DDX42: variants seen among roughly 807,000 people sequenced by gnomAD.
DDX42 encodes ATP-dependent RNA helicase DDX42.
DDX42 carries 22 observed loss-of-function variants against 101.5 expected under a neutral mutation model. The ratio of observed to expected loss-of-function variants is 0.22; its 90% CI spans 0.15 to 0.31. The LOEUF (loss-of-function observed/expected upper bound fraction) is 0.31, where lower values mean the gene tolerates loss of function less well. Ranked by LOEUF, DDX42 falls within the 10% of genes least tolerant of loss-of-function variation. The pLI is 1.00. For synonymous variants in DDX42, 402 were observed against 401.2 expected (o/e 1.00, Z -0.02); for missense variants, 849 against 1,199.9 (o/e 0.71, Z 4.32).
intron 4 of DDX42, among the ~76,000 whole-genome samples, chr17:63,799,061 T>A (rs375866885): frequency 6.6e-6 from 1 of 152,226 alleles, no homozygotes; most frequent in Admixed American, 6.5e-5. Flanking sequence ...GTGAACTGTT[T>A]AAGCGTTTTA....
At chr17:63,812,595 C>T (rs988706767) in intron 14 of DDX42, among the ~76,000 whole-genome samples, 1 of 152,184 alleles carries the variant, frequency 6.6e-6, no homozygotes, top group Non-Finnish European at 1.5e-5. Context: ...TGGATTTGTT[C>T]TGTCAAGTTT....
intron 1 of DDX42, among the ~76,000 whole-genome samples, chr17:63,778,428 A>G (rs1457393182): frequency 6.6e-6 from 1 of 152,086 alleles, no homozygotes; most frequent in Admixed American, 6.6e-5. Flanking sequence ...CTTGCCTCTT[A>G]CCCTCTTGCT....
At chr17:63,793,443 G>A (rs1471892388) in intron 3 of DDX42, among the ~76,000 whole-genome samples, 2 of 151,896 alleles carry the variant, frequency 1.3e-5, no homozygotes, top group African/African-American at 2.4e-5. Context: ...AATTTTTAAA[G>A]TTTTTATAGA....
At chr17:63,775,348 G>A (rs1040584899) in intron 1 of DDX42, among the ~76,000 whole-genome samples, 4 of 152,212 alleles carry the variant, frequency 2.6e-5, no homozygotes, top group African/African-American at 9.7e-5. Flanking sequence ...CTAGGTGATA[G>A]GGATAGGTGT....
At position 63,800,513 on chromosome 17, in the gene DDX42, G is replaced by A; in HGVS notation, c.517G>A (p.Val173Ile). ...YMAENPTAGV[V>I]QEEEEDNLEY... ...GGCAGAAAACCCAACTGCTGGTGTG[G>A]TTCAGGAGGAAGAGGAAGACAATCT... Residue 173 changes from valine to isoleucine, a missense_variant, in exon 6 of 18, where the codon GTT (valine) becomes ATT (isoleucine). Physicochemically the swap from Val to Ile is conservative, Grantham distance 29. Around this residue, in one of 5 missense-constraint regions of DDX42, gnomAD observed 370 missense variants for 608.8 expected, o/e 0.61. Coordinates refer to ENST00000389924, the MANE Select transcript of DDX42 (RefSeq NM_203499.3). 1 of 1,614,060 alleles carries A rather than the reference G, an allele frequency of 6.2e-7. No individual in the cohort carries two copies. Among genetic ancestry groups the A allele is most frequent in the Non-Finnish European group, 8.5e-7 (1 of 1,179,986 alleles).
chr17:63,782,922 A>G (rs933213106), intron 1 of DDX42, among the ~76,000 whole-genome samples: 3 of 152,028 alleles, frequency 2.0e-5, no homozygotes, highest in South Asian at 2.1e-4. Context: ...CTTTCTGAAC[A>G]TGTGTCCTGC....
chr17:63,783,603 T>C (rs181162339), intron 1 of DDX42, among the ~76,000 whole-genome samples: 2 of 152,310 alleles, frequency 1.3e-5, no homozygotes, highest in African/African-American at 4.8e-5. Context: ...AATCCCCTTA[T>C]GGGATTCCGA....
intron 13 of DDX42, chr17:63,811,462 A>C: frequency 2.7e-6 from 1 of 372,092 alleles, no homozygotes; most frequent in Admixed American, 4.3e-5. Flanking sequence ...AAGGCTTCAA[A>C]GAGACAAAAA....
rs983524600 is a variant in DDX42, at chr17:63,774,314, T to C, written c.-79T>C. The C allele has an allele frequency of 1.1e-5, 3 of 267,632 alleles. No individual in the cohort carries two copies. The highest frequency in any genetic ancestry group is 1.4e-4 in the East Asian group (2 of 14,156). The allele number at this position is 267,632 out of a possible 1,614,324, so 16.6% of individuals were successfully genotyped here. ...GACCGGGCCGGGACAGCGCGTACTT[T>C]GGGCTCCGGGATTCGCTCCGCGCCC... On this transcript the variant is annotated 5_prime_UTR_variant, in exon 1 of 18. Transcript: ENST00000389924.
intron 3 of DDX42, 22 bp from the exon 4 acceptor site, chr17:63,798,016 A>G (rs776880001): frequency 9.4e-6 from 15 of 1,604,020 alleles, no homozygotes; most frequent in East Asian, 4.5e-5. Context: ...ATGTCATTCT[A>G]TACAGCCTTT....
rs868773918 is a variant in DDX42, at chr17:63,816,317, A to G, written c.2014-551A>G. ...TACTCTGTTCCCACATTATAATAAT[A>G]ATGATGATGATGCATAATAATAGGT... On this transcript the variant is annotated intron_variant, in intron 16 of 17. Coordinates refer to ENST00000389924, the MANE Select transcript of DDX42 (RefSeq NM_203499.3). Among the ~76,000 whole-genome samples the G allele has an allele frequency of 1.1e-4, 16 of 152,336 alleles. No individual in the cohort carries two copies. The South Asian group carries it at 2.5e-3, about 24-fold the overall frequency.
At chr17:63,803,864 G>T (rs1457552193) in intron 6 of DDX42, among the ~76,000 whole-genome samples, 1 of 151,812 alleles carries the variant, frequency 6.6e-6, no homozygotes, top group East Asian at 2.0e-4. Flanking sequence ...TGGCCAGGCT[G>T]GTCTTGAACT....
At chr17:63,814,783 C>T (rs893611260) in intron 15 of DDX42, among the ~76,000 whole-genome samples, 9 of 150,548 alleles carry the variant, frequency 6.0e-5, no homozygotes, top group East Asian at 3.9e-4. Flanking sequence ...TCTGCGTCTC[C>T]GGTTCAAACA....
At chr17:63,800,722 G>GT in intron 6 of DDX42, 105 bp downstream of exon 6, 1 of 1,380,122 alleles carries the variant, frequency 7.2e-7, no homozygotes, top group Non-Finnish European at 9.9e-7. Context: ...CATCATGAGC[G>GT]TATGCATCTT....
chr17:63,777,746 C>A (rs1487653293), intron 1 of DDX42, among the ~76,000 whole-genome samples: 4 of 151,726 alleles, frequency 2.6e-5, no homozygotes, highest in South Asian at 2.1e-4. Flanking sequence ...CCGTGCCCAG[C>A]CAGGAGATGC....
intron 5 of DDX42, 101 bp from the exon 6 acceptor site, chr17:63,800,367 T>C: frequency 8.8e-7 from 1 of 1,131,136 alleles, no homozygotes; most frequent in Non-Finnish European, 1.3e-6. Flanking sequence ...GGTAGGTATG[T>C]TAACTGTGCA....
intron 6 of DDX42, among the ~76,000 whole-genome samples, chr17:63,801,003 T>TTTC (rs2039760834): frequency 2.6e-5 from 4 of 151,456 alleles, no homozygotes; most frequent in African/African-American, 9.7e-5. Context: ...TTCCTTTTTT[T>TTTC]CCTCTCTTTC....
At position 63,816,854 on chromosome 17, in the gene DDX42, G is replaced by GT; in HGVS notation, c.2014-11dup. On this transcript the variant is annotated splice_polypyrimidine_tract_variant and intron_variant, in intron 16 of 17. Transcript: ENST00000389924. Reference sequence around the variant, plus strand: ...CTTATTTTTTCATTCTCATAGATGTGTTTATTTTTTTAGGATCGAGGAAAT... The same window carrying GT: ...CTTATTTTTTCATTCTCATAGATGTGTTTTATTTTTTTAGGATCGAGGAAAT... 2 of 1,606,118 alleles carry GT rather than the reference G, an allele frequency of 1.2e-6. No individual in the cohort carries two copies. Among genetic ancestry groups the GT allele is most frequent in the Admixed American group, 3.4e-5 (2 of 59,164 alleles).
chr17:63,810,675 C>T (rs2039899185), intron 12 of DDX42, 115 bp downstream of exon 12: 1 of 1,016,046 alleles, frequency 9.8e-7, no homozygotes, highest in South Asian at 1.3e-5. Context: ...TGGTGAGAAC[C>T]ATAATAAGGG....
Sources: allele counts gnomAD v4.1 joint callset (sites outside exome capture counted in the v4.1 genomes callset), GRCh38; gene constraint gnomAD v4.1.1; regional missense constraint gnomAD v4.1.1; transcripts MANE v1.5; gene names NCBI Gene and HGNC (gene_info 2026-07-23, HGNC 2026-07-21).